The following CSNK1G1 variants were observed in gnomAD, a reference collection of about 807,000 sequenced individuals.
CSNK1G1 encodes casein kinase I isoform gamma-1.
A neutral mutation model predicts 59.6 loss-of-function variants in CSNK1G1; 22 were observed. That is an observed-to-expected ratio of 0.37 (90% CI 0.26 to 0.53). The LOEUF is 0.53. CSNK1G1 is among the 20% of genes least tolerant of loss of function. The pLI, the probability that CSNK1G1 is intolerant of heterozygous loss-of-function variation, is 0.89. For synonymous variants in CSNK1G1, 179 were observed against 177.1 expected (o/e 1.01, Z -0.08); for missense variants, 384 against 519.5 (o/e 0.74, Z 2.54).
intron 2 of CSNK1G1, among the ~76,000 whole-genome samples, chr15:64,269,713 T>G (rs1163206933): frequency 6.6e-6 from 1 of 152,136 alleles, no homozygotes; most frequent in African/African-American, 2.4e-5. Flanking sequence ...AGACTGGTCT[T>G]GAACTCCTGA....
intron 11 of CSNK1G1, among the ~76,000 whole-genome samples, chr15:64,172,990 G>C (rs1010013757): frequency 6.6e-6 from 1 of 152,220 alleles, no homozygotes; most frequent in African/African-American, 2.4e-5. Flanking sequence ...CATGGGGAAT[G>C]AGAATGAAAG....
At chr15:64,204,654 A>C in intron 8 of CSNK1G1, 65 bp from the exon 9 acceptor site, 2 of 1,528,800 alleles carry the variant, frequency 1.3e-6, no homozygotes, top group Non-Finnish European at 1.8e-6. Flanking sequence ...GTTGTGGGGA[A>C]GCATTGGGCC....
In CSNK1G1 at chr15:64,217,320, T is replaced by C. The variant is rs188382300; in HGVS notation, c.293-607A>G. On this transcript the variant is annotated intron_variant, in intron 4 of 11. Transcript: ENST00000303052. The stretch of plus-strand genomic sequence containing the variant: ...CAACAGACACTTAGTGTTTGGTTGC[T>C]GATAAGTGCTGATGAAAGGAAAAGG... Among the ~76,000 whole-genome samples, 278 of 152,310 alleles carry C rather than the reference T, an allele frequency of 1.8e-3. 4 individuals carry two copies. Among genetic ancestry groups the C allele is most frequent in the Middle Eastern group, 3.4e-3 (1 of 294 alleles).
At chr15:64,325,173 T>G (rs184502711) in intron 1 of CSNK1G1, among the ~76,000 whole-genome samples, 5 of 152,318 alleles carry the variant, frequency 3.3e-5, no homozygotes, top group African/African-American at 1.2e-4. Flanking sequence ...TACACAGTAA[T>G]AGAAGTATAT....
At chr15:64,221,555 T>C (rs570485161) in intron 4 of CSNK1G1, among the ~76,000 whole-genome samples, 1 of 151,698 alleles carries the variant, frequency 6.6e-6, no homozygotes, top group East Asian at 1.9e-4. Context: ...GACCACTGAG[T>C]GGTTTTGAAG....
intron 1 of CSNK1G1, among the ~76,000 whole-genome samples, chr15:64,347,409 T>C (rs1480152515): frequency 1.3e-5 from 2 of 152,072 alleles, no homozygotes; most frequent in African/African-American, 4.8e-5. Flanking sequence ...GTCCTTCAAA[T>C]GGTGAAGGGA....
chr15:64,197,702 T>C (rs2140238717), intron 10 of CSNK1G1, among the ~76,000 whole-genome samples: 1 of 152,322 alleles, frequency 6.6e-6, no homozygotes, highest in East Asian at 1.9e-4. Context: ...GCCAGACTAG[T>C]ACCACATTCT....
At chr15:64,218,235 G>A (rs1400006490) in intron 4 of CSNK1G1, among the ~76,000 whole-genome samples, 11 of 152,162 alleles carry the variant, frequency 7.2e-5, no homozygotes, top group Admixed American at 6.5e-4. Flanking sequence ...ACAGGCATGA[G>A]CTACTGTGTC....
chr15:64,282,989 T>C (rs1894224348), intron 2 of CSNK1G1, among the ~76,000 whole-genome samples: 3 of 152,124 alleles, frequency 2.0e-5, no homozygotes, highest in South Asian at 4.1e-4. Flanking sequence ...ATAGTAAGAA[T>C]GATACAATGG....
At chr15:64,227,470 A>G (rs936650944) in intron 4 of CSNK1G1, among the ~76,000 whole-genome samples, 11 of 152,184 alleles carry the variant, frequency 7.2e-5, no homozygotes, top group African/African-American at 2.7e-4. Context: ...AACTACACAC[A>G]AACAAATGTC....
chr15:64,299,758 C>T (rs1419098652), intron 2 of CSNK1G1, among the ~76,000 whole-genome samples: 1 of 152,042 alleles, frequency 6.6e-6, no homozygotes, highest in Non-Finnish European at 1.5e-5. Context: ...TGCCTAACTT[C>T]TCCTTGGAGT....
At chr15:64,201,317 T>C (rs917354161) in intron 10 of CSNK1G1, among the ~76,000 whole-genome samples, 1 of 148,132 alleles carries the variant, frequency 6.8e-6, no homozygotes. Flanking sequence ...AAAAAAGAAA[T>C]TGCTTTCTAG....
At chr15:64,212,841 A>G (rs1456920779) in intron 6 of CSNK1G1, among the ~76,000 whole-genome samples, 1 of 152,136 alleles carries the variant, frequency 6.6e-6, no homozygotes, top group African/African-American at 2.4e-5. Context: ...TCCCGTCTCT[A>G]TTAAAAGGAC....
intron 1 of CSNK1G1, among the ~76,000 whole-genome samples, chr15:64,353,486 A>C (rs190073971): frequency 4.2e-4 from 64 of 152,148 alleles, no homozygotes; most frequent in African/African-American, 1.5e-3. Flanking sequence ...CTCTACTAAA[A>C]ATACAAAAAA....
chr15:64,350,951 G>T (rs1243260195), intron 1 of CSNK1G1, among the ~76,000 whole-genome samples: 1 of 150,724 alleles, frequency 6.6e-6, no homozygotes, highest in East Asian at 1.9e-4. Flanking sequence ...TTCTATATTG[G>T]GCAGAAATGA....
intron 1 of CSNK1G1, among the ~76,000 whole-genome samples, chr15:64,324,594 C>T (rs1316668572): frequency 6.6e-6 from 1 of 152,254 alleles, no homozygotes; most frequent in Non-Finnish European, 1.5e-5. Flanking sequence ...GTCTGCTTCC[C>T]TACTTTTGAG....
intron 1 of CSNK1G1, among the ~76,000 whole-genome samples, chr15:64,318,653 C>G (rs2140435041): frequency 6.6e-6 from 1 of 151,246 alleles, no homozygotes; most frequent in South Asian, 2.1e-4. Flanking sequence ...CCCTGTCACC[C>G]AGGCTGGAAT....
At chr15:64,245,722 T>C (rs1891714029) in intron 4 of CSNK1G1, among the ~76,000 whole-genome samples, 1 of 149,868 alleles carries the variant, frequency 6.7e-6, no homozygotes, top group Non-Finnish European at 1.5e-5. Context: ...CTGGGCAGTA[T>C]AGCGAGACCC....
chr15:64,326,764 G>A (rs1315988325), intron 1 of CSNK1G1, among the ~76,000 whole-genome samples: 38 of 151,802 alleles, frequency 2.5e-4, no homozygotes, highest in African/African-American at 8.2e-4. Context: ...CTGAGGTACC[G>A]GGTTCATCTC....
Sources: allele counts gnomAD v4.1 joint callset (sites outside exome capture counted in the v4.1 genomes callset), GRCh38; gene constraint gnomAD v4.1.1; transcripts MANE v1.5; gene names NCBI Gene and HGNC (gene_info 2026-07-23, HGNC 2026-07-21).